The following TGFBR3 variants were observed in gnomAD, a reference collection of about 807,000 sequenced individuals.
TGFBR3 encodes transforming growth factor beta receptor 3.
A neutral mutation model predicts 87.9 loss-of-function variants in TGFBR3; 46 were observed. The observed-to-expected ratio is 0.52, with a 90% CI of 0.41 to 0.67. The LOEUF is 0.67. Ranked by LOEUF, TGFBR3 falls within the 30% of genes least tolerant of loss-of-function variation. The pLI, the probability that TGFBR3 is intolerant of heterozygous loss-of-function variation, is 0.00. For synonymous variants in TGFBR3, 381 were observed against 391.6 expected, an observed-to-expected ratio of 0.97 and a Z score of 0.32; for missense variants, 866 against 1,041.9, an observed-to-expected ratio of 0.83 and a Z score of 2.32.
intron 1 of TGFBR3, among the ~76,000 whole-genome samples, chr1:91,877,062 AT>A (rs1197509206): frequency 6.6e-6 from 1 of 152,052 alleles, no homozygotes; most frequent in Non-Finnish European, 1.5e-5. Context: ...CCTTAGCAAA[AT>A]TTTTTTGCAA....
At chr1:91,826,744 T>TAAAAAA (rs5776121) in intron 2 of TGFBR3, among the ~76,000 whole-genome samples, 8 of 139,400 alleles carry the variant, frequency 5.7e-5, no homozygotes, top group African/African-American at 1.9e-4. Flanking sequence ...CATCCACTAT[T>TAAAAAA]AAAAAAAAAA....
rs191306690 is a variant in TGFBR3, at chr1:91,688,592, A to T, written c.2438-4735T>A. Among the ~76,000 whole-genome samples the T allele has an allele frequency of 3.3e-5, 5 of 152,332 alleles. No homozygotes were observed. The East Asian group carries it at 9.6e-4, about 29-fold the overall frequency. On this transcript the variant is annotated intron_variant, in intron 16 of 16. Transcript: ENST00000212355. ...CAACTTTAAGGCTGCTCTGATGTGT[A>T]AGCAGAAAAAAAATCTAAGCGTGTA...
At chr1:91,837,557 T>C (rs1677108633) in intron 2 of TGFBR3, among the ~76,000 whole-genome samples, 3 of 152,256 alleles carry the variant, frequency 2.0e-5, no homozygotes, top group Middle Eastern at 3.4e-3. Flanking sequence ...AAGGATATAA[T>C]GGATATGCAA....
At chr1:91,720,841 T>G (rs1257364010) in intron 8 of TGFBR3, among the ~76,000 whole-genome samples, 1 of 152,254 alleles carries the variant, frequency 6.6e-6, no homozygotes, top group Non-Finnish European at 1.5e-5. Context: ...ATTGGTATGT[T>G]AAAATTACTT....
In TGFBR3 at chr1:91,811,285, C is replaced by T. The variant is rs1428187425; in HGVS notation, c.62-13814G>A. On this transcript the variant is annotated intron_variant, in intron 2 of 16. Transcript: ENST00000212355. Reference sequence around the variant, plus strand: ...CAAGATAGTGCCACTGCACTCCAGTCTGGGTGACACAGTGAGACCTTGTCT... The same window carrying T: ...CAAGATAGTGCCACTGCACTCCAGTTTGGGTGACACAGTGAGACCTTGTCT... Among the ~76,000 whole-genome samples, 4 of 152,156 alleles carry T rather than the reference C, an allele frequency of 2.6e-5. No homozygotes were observed. The South Asian group carries it at 6.2e-4, about 24-fold the overall frequency.
chr1:91,704,499 T>C (rs1157663736), intron 14 of TGFBR3, among the ~76,000 whole-genome samples: 1 of 152,196 alleles, frequency 6.6e-6, no homozygotes, highest in East Asian at 1.9e-4. Context: ...TCACAGTGCC[T>C]GAATTTGAAT....
intron 16 of TGFBR3, chr1:91,695,368 G>T (rs1671399108): frequency 5.3e-6 from 2 of 379,660 alleles, no homozygotes; most frequent in African/African-American, 4.2e-5. Flanking sequence ...TTGACGGAAT[G>T]GTTTGTATTT....
intron 1 of TGFBR3, among the ~76,000 whole-genome samples, chr1:91,882,396 C>A (rs1013250710): frequency 1.5e-4 from 23 of 151,746 alleles, no homozygotes; most frequent in African/African-American, 5.3e-4. Context: ...CTCGGCCTCC[C>A]AACATGCTGG....
chr1:91,793,362 T>C (rs535297383), intron 3 of TGFBR3, among the ~76,000 whole-genome samples: 1 of 152,334 alleles, frequency 6.6e-6, no homozygotes, highest in East Asian at 1.9e-4. Context: ...GCTGATTTAG[T>C]AATTCCCTCA....
chr1:91,756,400 G>A (rs988493719), intron 4 of TGFBR3, among the ~76,000 whole-genome samples: 2 of 152,136 alleles, frequency 1.3e-5, no homozygotes, highest in Non-Finnish European at 2.9e-5. Context: ...ACAGCTTGTA[G>A]AATGGGTCCC....
intron 16 of TGFBR3, among the ~76,000 whole-genome samples, chr1:91,692,678 G>A (rs1671306774): frequency 6.6e-6 from 1 of 152,136 alleles, no homozygotes; most frequent in Non-Finnish European, 1.5e-5. Flanking sequence ...AGGAGAGAAT[G>A]TAAGTTTTAG....
intron 3 of TGFBR3, among the ~76,000 whole-genome samples, chr1:91,788,513 A>G (rs1675059384): frequency 1.3e-5 from 2 of 152,262 alleles, no homozygotes; most frequent in African/African-American, 4.8e-5. Flanking sequence ...TTACACAGAA[A>G]TATTTAGAAA....
At chr1:91,850,518 C>T (rs1410335679) in intron 2 of TGFBR3, among the ~76,000 whole-genome samples, 5 of 152,150 alleles carry the variant, frequency 3.3e-5, no homozygotes, top group Non-Finnish European at 7.4e-5. Flanking sequence ...TGGTGGCTCA[C>T]GCCTGTAATC....
At chr1:91,746,389 T>C (rs1245628691) in intron 4 of TGFBR3, among the ~76,000 whole-genome samples, 1 of 152,214 alleles carries the variant, frequency 6.6e-6, no homozygotes, top group Non-Finnish European at 1.5e-5. Context: ...AGGAATCCTG[T>C]CCAGCTTTAC....
intron 2 of TGFBR3, among the ~76,000 whole-genome samples, chr1:91,800,343 T>C (rs1436432181): frequency 6.7e-6 from 1 of 148,260 alleles, no homozygotes; most frequent in East Asian, 2.0e-4. Flanking sequence ...TGTGTGTGTG[T>C]GTGTGTGTGT....
chr1:91,765,929 ACATTTAATAAATACATCCATT>A (rs2100917858), intron 3 of TGFBR3, among the ~76,000 whole-genome samples: 1 of 152,332 alleles, frequency 6.6e-6, no homozygotes, highest in African/African-American at 2.4e-5. Flanking sequence ...ATTCCCTGTC[ACATTTAATAAATACATCCATT>A]CAGATCACTT....
intron 2 of TGFBR3, among the ~76,000 whole-genome samples, chr1:91,857,766 C>T (rs1032776058): frequency 4.6e-5 from 7 of 152,178 alleles, no homozygotes; most frequent in African/African-American, 4.8e-5. Context: ...CAGCAAGATC[C>T]CATCTCTCCA....
intron 5 of TGFBR3, among the ~76,000 whole-genome samples, chr1:91,731,348 C>A (rs1210420924): frequency 6.6e-6 from 1 of 152,162 alleles, no homozygotes; most frequent in Non-Finnish European, 1.5e-5. Flanking sequence ...CCACAGCACC[C>A]CCAGCACCAC....
intron 12 of TGFBR3, among the ~76,000 whole-genome samples, chr1:91,714,221 T>C (rs1272087436): frequency 1.3e-5 from 2 of 151,538 alleles, no homozygotes; most frequent in Admixed American, 1.3e-4. Context: ...CCACAAGATA[T>C]CATAATTGTG....
Sources: allele counts gnomAD v4.1 joint callset (sites outside exome capture counted in the v4.1 genomes callset), GRCh38; gene constraint gnomAD v4.1.1; transcripts MANE v1.5; gene names NCBI Gene and HGNC (gene_info 2026-07-23, HGNC 2026-07-21).